Variants in C2orf66 observed in about 807,000 individuals in gnomAD.
C2orf66 encodes uncharacterized protein C2orf66.
C2orf66 carries 6 observed loss-of-function variants against 7.0 expected under a neutral mutation model. The observed-to-expected ratio is 0.86, with a 90% CI of 0.47 to 1.69. The LOEUF (loss-of-function observed/expected upper bound fraction) is 1.69. C2orf66 is among the 40% of genes most tolerant of loss of function. The pLI, the probability that C2orf66 is intolerant of heterozygous loss-of-function variation, is 0.01. For missense variants in C2orf66, 107 were observed against 112.0 expected, an observed-to-expected ratio of 0.96 and a Z score of 0.20; for synonymous variants, 38 against 43.8, an observed-to-expected ratio of 0.87 and a Z score of 0.52.
the C2orf66 span, among the ~76,000 whole-genome samples, chr2:196,824,361 G>A: frequency 6.6e-6 from 1 of 152,022 alleles, no homozygotes; most frequent in African/African-American, 2.4e-5. Context: ...CTGCTGAAAG[G>A]ACAAAGTATG....
At chr2:196,809,928 T>C (rs1167511625), upstream of C2orf66, 1 of 152,232 alleles carries the variant, frequency 6.6e-6, no homozygotes, top group Non-Finnish European at 1.5e-5. Context: ...TTGGTTTTGG[T>C]TGGTCCTCCT....
chr2:196,806,551 A>T (rs1175682355), intron 2 of C2orf66, among the ~76,000 whole-genome samples: 3 of 151,452 alleles, frequency 2.0e-5, no homozygotes, highest in Admixed American at 6.6e-5. Context: ...AATGCTAAAT[A>T]ATAAGAGTAA....
At chr2:196,811,119 G>GC (rs1237123472), upstream of C2orf66, among the ~76,000 whole-genome samples, 1 of 152,196 alleles carries the variant, frequency 6.6e-6, no homozygotes, top group African/African-American at 2.4e-5. Context: ...AAGGTGAACA[G>GC]CTGTGCTAGG....
At chr2:196,831,355 C>A in the C2orf66 span, among the ~76,000 whole-genome samples, 1 of 152,162 alleles carries the variant, frequency 6.6e-6, no homozygotes, top group Admixed American at 6.5e-5. Context: ...AATTTTCCTA[C>A]CTTGGCTCAT....
chr2:196,816,774 G>A, the C2orf66 span, among the ~76,000 whole-genome samples: 2 of 152,190 alleles, frequency 1.3e-5, no homozygotes, highest in South Asian at 2.1e-4. Flanking sequence ...TGTTACAACC[G>A]TTTTTATGTA....
At chr2:196,811,762 A>G (rs749103880), upstream of C2orf66, among the ~76,000 whole-genome samples, 3 of 152,208 alleles carry the variant, frequency 2.0e-5, no homozygotes, top group Non-Finnish European at 4.4e-5. Context: ...AGTTGTTGGC[A>G]TAGAAGTGAA....
At chr2:196,825,357 T>C in the C2orf66 span, among the ~76,000 whole-genome samples, 2 of 151,560 alleles carry the variant, frequency 1.3e-5, no homozygotes, top group African/African-American at 2.4e-5. Flanking sequence ...AAAACCACAA[T>C]GAGATAACAC....
Position 196,805,009 on chromosome 2 carries a change from T to C in C2orf66, c.*419A>G, listed in dbSNP as rs1699805016. On this transcript the variant is annotated 3_prime_UTR_variant, in exon 3 of 3. Transcript: ENST00000342506. ...TTTAAACCCAACCCTCTATCACATA[T>C]AATGAATTTTACTATACTAAAAGTG... 1 of 152,204 alleles carries C rather than the reference T, an allele frequency of 6.6e-6. No individual in the cohort carries two copies. Among genetic ancestry groups the C allele is most frequent in the African/African-American group, 2.4e-5 (1 of 41,452 alleles). 9.4% of individuals were successfully genotyped at this position (152,204 alleles called of 1,614,324 possible). A position where few individuals can be genotyped will look rare whatever the true frequency, so the allele number is the denominator to read the frequency against.
At chr2:196,829,660 T>G in the C2orf66 span, among the ~76,000 whole-genome samples, 35,436 of 150,520 alleles carry the variant, frequency 0.24, 4,742 homozygotes, top group African/African-American at 0.38. Flanking sequence ...CACTTTGGGG[T>G]GCCGAGGCGG....
At chr2:196,810,854 A>T (rs894086041), upstream of C2orf66, among the ~76,000 whole-genome samples, 2 of 152,238 alleles carry the variant, frequency 1.3e-5, no homozygotes, top group African/African-American at 4.8e-5. Flanking sequence ...AAGAATAATA[A>T]ATACAGTCCT....
At chr2:196,810,263 T>C (rs972557851), upstream of C2orf66, 1 of 152,238 alleles carries the variant, frequency 6.6e-6, no homozygotes, top group Non-Finnish European at 1.5e-5. Context: ...TGATGGATTA[T>C]AGCTGGAAAT....
chr2:196,807,106 G>A (rs1699827513), intron 2 of C2orf66, among the ~76,000 whole-genome samples: 1 of 151,880 alleles, frequency 6.6e-6, no homozygotes, highest in Non-Finnish European at 1.5e-5. Context: ...TATATCAGTT[G>A]GTCTGGAAAA....
rs992731525 is a variant in C2orf66 at position 196,807,681 on chromosome 2, T to C, written c.124-59A>G. 1.1e-5 allele frequency: 16 copies of C among 1,397,232 alleles called. 1 individual carries two copies. The Admixed American group carries it at 2.1e-4, about 18-fold the overall frequency. The allele number at this position is 1,397,232 out of a possible 1,614,324, so 86.6% of individuals were successfully genotyped here. ...ATAAATGAAACACCAAAAATAAAGGTGTTTTTCTTCCCTCTATTTTTCCCC... is the reference window on the plus strand; with the variant it reads ...ATAAATGAAACACCAAAAATAAAGGCGTTTTTCTTCCCTCTATTTTTCCCC... On this transcript the variant is annotated intron_variant, in intron 1 of 2. Transcript: ENST00000342506.
In C2orf66 at chr2:196,807,511, G is replaced by C. The variant is rs148087920; in HGVS notation, c.235C>G (p.Leu79Val). Residue 79 changes from leucine to valine, a missense_variant, in exon 2 of 3, where the codon CTT becomes GTT. Transcript: ENST00000342506. Reference sequence around the variant, plus strand: ...TAATCTGCAGATGCAGAAGCAGTAAGTTCTGACTGGAAAGAGAGAGGTCTA... The same window carrying C: ...TAATCTGCAGATGCAGAAGCAGTAACTTCTGACTGGAAAGAGAGAGGTCTA... ...NPRPLSFQSE[L>V]TASASADYEE... 2.1e-5 allele frequency: 34 copies of C among 1,613,600 alleles called. No homozygotes were observed. Among genetic ancestry groups the C allele is most frequent in the Non-Finnish European group, 2.8e-5 (33 of 1,179,720 alleles).
chr2:196,827,420 TC>T, the C2orf66 span, among the ~76,000 whole-genome samples: 1 of 151,158 alleles, frequency 6.6e-6, no homozygotes, highest in East Asian at 1.9e-4. Context: ...TAACATAAAT[TC>T]TTTTTTTTCT....
At chr2:196,814,042 T>A (rs1302657336), upstream of C2orf66, among the ~76,000 whole-genome samples, 1 of 152,182 alleles carries the variant, frequency 6.6e-6, no homozygotes, top group Non-Finnish European at 1.5e-5. Context: ...GAACTAGAAA[T>A]ACCATTTGAC....
At chr2:196,829,454 T>G in the C2orf66 span, among the ~76,000 whole-genome samples, 4 of 151,974 alleles carry the variant, frequency 2.6e-5, no homozygotes, top group Non-Finnish European at 5.9e-5. Flanking sequence ...CCGGGCATGG[T>G]GGCAGACGCC....
upstream of C2orf66, chr2:196,809,673 C>T (rs1027014627): frequency 4.2e-6 from 1 of 238,268 alleles, no homozygotes; most frequent in Non-Finnish European, 8.1e-6. Context: ...AAAGAAACTG[C>T]AACTCTTAAA....
At chr2:196,807,669 CAAAAA>C in intron 1 of C2orf66, 47 bp from the exon 2 acceptor site, 2 of 1,478,500 alleles carry the variant, frequency 1.4e-6, no homozygotes, top group Non-Finnish European at 1.9e-6. Flanking sequence ...AATGAAACAC[CAAAAA>C]TAAAGGTGTT....
Sources: gnomAD v4.1 joint callset for allele counts (sites outside exome capture counted in the v4.1 genomes callset) on GRCh38, gnomAD v4.1.1 for gene constraint, MANE v1.5 for transcripts, NCBI Gene and HGNC (gene_info 2026-07-23, HGNC 2026-07-21) for gene names.